The following LIN7A variants were observed in gnomAD, a reference collection of about 807,000 sequenced individuals.
The protein encoded by LIN7A is lin-7 cell polarity scaffold A, also known as protein lin-7 homolog A.
A neutral mutation model predicts 29.8 loss-of-function variants in LIN7A; 25 were observed. The ratio of observed to expected loss-of-function variants is 0.84; its 90% confidence interval spans 0.61 to 1.17. The LOEUF is 1.17. Ranked by LOEUF, LIN7A falls within the 50% of genes most tolerant of loss-of-function variation. The pLI, the probability that LIN7A is intolerant of heterozygous loss-of-function variation, is 0.00. For synonymous variants in LIN7A, 118 were observed against 107.5 expected (o/e 1.10, Z -0.60); for missense variants, 239 against 287.0 (o/e 0.83, Z 1.21).
chr12:80,827,796 C>T (rs984174839), intron 4 of LIN7A, among the ~76,000 whole-genome samples: 6 of 152,138 alleles, frequency 3.9e-5, no homozygotes, highest in African/African-American at 1.4e-4. Context: ...CACTTTCTTG[C>T]TCAAAATAAA....
intron 3 of LIN7A, 74 bp downstream of exon 3, chr12:80,848,177 T>A: frequency 1.8e-6 from 2 of 1,111,716 alleles, no homozygotes; most frequent in Non-Finnish European, 2.7e-6. Context: ...CGAGAATACC[T>A]GAAACACACA....
chr12:80,866,756 G>GA (rs1874158343), intron 2 of LIN7A, among the ~76,000 whole-genome samples: 2 of 151,824 alleles, frequency 1.3e-5, no homozygotes, highest in South Asian at 4.2e-4. Context: ...TCAAGGTAAA[G>GA]AAAATCTAAG....
chr12:80,883,392 T>A (rs1875167587), intron 2 of LIN7A, among the ~76,000 whole-genome samples: 1 of 152,180 alleles, frequency 6.6e-6, no homozygotes, highest in Non-Finnish European at 1.5e-5. Context: ...GAACAAAAAC[T>A]TGTGTCGTAA....
At chr12:80,849,474 G>T (rs1873226372) in intron 2 of LIN7A, among the ~76,000 whole-genome samples, 1 of 151,872 alleles carries the variant, frequency 6.6e-6, no homozygotes, top group Admixed American at 6.6e-5. Flanking sequence ...ATTATCTCTT[G>T]CTGCAAGCAT....
At chr12:80,931,658 T>A (rs562067441) in intron 1 of LIN7A, among the ~76,000 whole-genome samples, 2,088 of 128,724 alleles carry the variant, frequency 0.016, 21 homozygotes, top group Non-Finnish European at 0.024. Context: ...AAAAAAAAAA[T>A]GGAAAACTCC....
chr12:80,928,006 C>T (rs1877698345), intron 1 of LIN7A, among the ~76,000 whole-genome samples: 1 of 152,164 alleles, frequency 6.6e-6, no homozygotes, highest in African/African-American at 2.4e-5. Flanking sequence ...TGGTTTCCAG[C>T]TTCATCCATG....
At chr12:80,797,913 A>G (rs1326352698) in intron 5 of LIN7A, among the ~76,000 whole-genome samples, 187 bp from the exon 6 acceptor site, 3 of 152,248 alleles carry the variant, frequency 2.0e-5, no homozygotes, top group Non-Finnish European at 4.4e-5. Flanking sequence ...AGTAATTATC[A>G]AATGAGGATG....
intron 2 of LIN7A, among the ~76,000 whole-genome samples, chr12:80,863,732 G>T (rs1920994): frequency 0.77 from 117,064 of 152,090 alleles, 45,899 homozygotes; most frequent in East Asian, 0.97. Flanking sequence ...ATTTTTTTAA[G>T]GATCAAGTTA....
At chr12:80,842,906 G>A (rs983037933) in intron 4 of LIN7A, among the ~76,000 whole-genome samples, 15 of 152,074 alleles carry the variant, frequency 9.9e-5, no homozygotes, top group Admixed American at 4.6e-4. Flanking sequence ...ATATGAATGT[G>A]TAATACTTTA....
chr12:80,849,584 G>A (rs776319507), intron 2 of LIN7A, among the ~76,000 whole-genome samples: 2 of 152,114 alleles, frequency 1.3e-5, no homozygotes, highest in African/African-American at 4.8e-5. Context: ...GCTCTTGGCT[G>A]TCTGCTGCCC....
intron 4 of LIN7A, among the ~76,000 whole-genome samples, chr12:80,837,754 C>A (rs563191308): frequency 6.6e-6 from 1 of 152,262 alleles, no homozygotes; most frequent in Non-Finnish European, 1.5e-5. Flanking sequence ...TGAACCTGAA[C>A]AAAATCACTG....
chr12:80,838,085 T>C (rs1238536933), intron 4 of LIN7A, among the ~76,000 whole-genome samples: 1 of 152,188 alleles, frequency 6.6e-6, no homozygotes, highest in Non-Finnish European at 1.5e-5. Context: ...CTAAACTGAA[T>C]AGTCAAATAC....
chr12:80,927,267 T>G (rs1162148518), intron 1 of LIN7A, among the ~76,000 whole-genome samples: 1 of 148,016 alleles, frequency 6.8e-6, no homozygotes, highest in East Asian at 2.2e-4. Flanking sequence ...CTTCAGGCGA[T>G]TCACCTGCCT....
intron 1 of LIN7A, among the ~76,000 whole-genome samples, chr12:80,924,729 C>T (rs1005008689): frequency 4.6e-5 from 7 of 152,108 alleles, no homozygotes; most frequent in African/African-American, 1.7e-4. Flanking sequence ...AAAAGTCACT[C>T]TTGGTTATAT....
intron 5 of LIN7A, among the ~76,000 whole-genome samples, chr12:80,798,186 G>A (rs542346466): frequency 1.3e-5 from 2 of 152,206 alleles, no homozygotes; most frequent in South Asian, 4.2e-4. Context: ...CTCTTCATAA[G>A]GTCAGCCTGA....
At position 80,886,529 on chromosome 12, in the gene LIN7A, A is replaced by G. The variant is rs1875336282; in HGVS notation, c.201+2722T>C. Among the ~76,000 whole-genome samples, 5 of 152,250 alleles carry G rather than the reference A, an allele frequency of 3.3e-5. No individual in the cohort carries two copies. In the South Asian group the frequency reaches 1.0e-3, roughly 32 times the overall value. On this transcript the variant is annotated intron_variant, in intron 2 of 5. Transcript: ENST00000552864. ...ACTTAGCAAATATAAACCATAACAT[A>G]TGAATGGCATAAAATGTTAGCCAAG...
intron 2 of LIN7A, among the ~76,000 whole-genome samples, chr12:80,874,301 G>A (rs1874574519): frequency 6.6e-6 from 1 of 152,104 alleles, no homozygotes; most frequent in Non-Finnish European, 1.5e-5. Context: ...AAAGAACTAT[G>A]GGCACATTTA....
chr12:80,823,786 C>A (rs979956600), intron 4 of LIN7A, among the ~76,000 whole-genome samples: 1 of 152,158 alleles, frequency 6.6e-6, no homozygotes, highest in African/African-American at 2.4e-5. Flanking sequence ...GTTGGGTCAA[C>A]AATGAAATCA....
intron 2 of LIN7A, among the ~76,000 whole-genome samples, chr12:80,882,943 G>A (rs1875139371): frequency 6.6e-6 from 1 of 152,056 alleles, no homozygotes; most frequent in African/African-American, 2.4e-5. Flanking sequence ...ATGTGGTCAA[G>A]CAAGGATGTG....
Sources: gnomAD v4.1 joint callset for allele counts (sites outside exome capture counted in the v4.1 genomes callset) on GRCh38, gnomAD v4.1.1 for gene constraint, MANE v1.5 for transcripts, NCBI Gene and HGNC (gene_info 2026-07-23, HGNC 2026-07-21) for gene names.